The following MYO1B variants were observed in gnomAD, a reference collection of about 807,000 sequenced individuals.
MYO1B encodes the protein myosin IB, also known as unconventional myosin-Ib.
A neutral mutation model predicts 159.7 loss-of-function variants in MYO1B; 72 were observed. That is an observed-to-expected ratio of 0.45 (90% CI 0.37 to 0.55). The LOEUF (loss-of-function observed/expected upper bound fraction) is 0.55. Among genes scored for constraint, MYO1B ranks in the 20% least tolerant of loss-of-function variants. The pLI, the probability that MYO1B is intolerant of heterozygous loss-of-function variation, is 0.00. For synonymous variants in MYO1B, 468 were observed against 473.8 expected (o/e 0.99, Z 0.16); for missense variants, 1,062 against 1,364.8 (o/e 0.78, Z 3.50).
chr2:191,271,164 G>A (rs1687432540), intron 1 of MYO1B, among the ~76,000 whole-genome samples: 1 of 152,198 alleles, frequency 6.6e-6, no homozygotes, highest in African/African-American at 2.4e-5. Context: ...ATACAGGGAG[G>A]TTAATGAGTG....
chr2:191,404,383 G>A (rs760927733), intron 24 of MYO1B, among the ~76,000 whole-genome samples: 23 of 152,174 alleles, frequency 1.5e-4, no homozygotes, highest in Non-Finnish European at 2.5e-4. Context: ...AATATCGTAT[G>A]ACTTCAGGTA....
At chr2:191,276,855 T>A (rs1185354618) in intron 1 of MYO1B, 32 bp from the exon 2 acceptor site, 1 of 1,573,420 alleles carries the variant, frequency 6.4e-7, no homozygotes. Context: ...ATTTTGCTCG[T>A]TTAAATTGAC....
Position 191,245,594 on chromosome 2 carries a change from G to A in MYO1B, c.-42G>A, listed in dbSNP as rs548006895. ...CGGAGAGCGAGGACGACGTGGAGGCGGAGTGGCGCCCGGCGAGGTAGCGCC... is the reference window on the plus strand; with the variant it reads ...CGGAGAGCGAGGACGACGTGGAGGCAGAGTGGCGCCCGGCGAGGTAGCGCC... On this transcript the variant is annotated 5_prime_UTR_variant, in exon 1 of 31. Coordinates refer to ENST00000392318, the MANE Select transcript of MYO1B (RefSeq NM_001130158.3). 5.3e-5 allele frequency: 8 copies of A among 152,290 alleles called. No individual in the cohort carries two copies. In the South Asian group the frequency reaches 1.7e-3, roughly 32 times the overall value. 9.4% of individuals were successfully genotyped at this position (152,290 alleles called of 1,614,324 possible).
At position 191,416,253 on chromosome 2, in the gene MYO1B, G is replaced by A. The variant is rs776197892; in HGVS notation, c.3287+11G>A. The A allele has an allele frequency of 3.1e-6, 5 of 1,613,804 alleles. No individual in the cohort carries two copies. Among genetic ancestry groups the A allele is most frequent in the Middle Eastern group, 1.6e-4 (1 of 6,084 alleles). Reference sequence around the variant, plus strand: ...TGAGATTTCCGATGAGTACGTTCATGTATTGTTTGAAAACCCTTTTTCTCT... The same window carrying A: ...TGAGATTTCCGATGAGTACGTTCATATATTGTTTGAAAACCCTTTTTCTCT... On this transcript the variant is annotated intron_variant, in intron 30 of 30. Coordinates refer to ENST00000392318, the MANE Select transcript of MYO1B (RefSeq NM_001130158.3).
intron 2 of MYO1B, among the ~76,000 whole-genome samples, chr2:191,293,362 C>T (rs532204703): frequency 2.0e-5 from 3 of 152,186 alleles, no homozygotes; most frequent in South Asian, 2.1e-4. Context: ...GTAATGTTAC[C>T]GGAAAGGAGT....
intron 3 of MYO1B, among the ~76,000 whole-genome samples, chr2:191,315,501 A>C (rs1405441453): frequency 6.6e-6 from 1 of 152,248 alleles, no homozygotes; most frequent in Non-Finnish European, 1.5e-5. Context: ...AGTGAAAGTT[A>C]ATACCATGAC....
chr2:191,382,647 C>T (rs1695111148), intron 14 of MYO1B, among the ~76,000 whole-genome samples: 1 of 152,218 alleles, frequency 6.6e-6, no homozygotes, highest in East Asian at 1.9e-4. Context: ...TAAATGTTTA[C>T]ATTTATGGAC....
At chr2:191,386,151 G>A in intron 16 of MYO1B, 67 bp downstream of exon 16, 1 of 1,489,836 alleles carries the variant, frequency 6.7e-7, no homozygotes, top group Non-Finnish European at 9.2e-7. Context: ...CTGTACCTCA[G>A]AGATGGGCGT....
intron 26 of MYO1B, 132 bp downstream of exon 26, chr2:191,409,310 T>C: frequency 9.6e-7 from 1 of 1,036,430 alleles, no homozygotes; most frequent in Admixed American, 2.6e-5. Context: ...CTTTGGTGAT[T>C]TTCCCCCATG....
At chr2:191,350,268 T>G (rs1473925052) in intron 7 of MYO1B, 43 bp downstream of exon 7, 1 of 1,397,566 alleles carries the variant, frequency 7.2e-7, no homozygotes, top group African/African-American at 1.4e-5. Context: ...TTCAGAATAC[T>G]AAAACATATA....
At chr2:191,294,051 G>A (rs907074264) in intron 2 of MYO1B, among the ~76,000 whole-genome samples, 1 of 152,138 alleles carries the variant, frequency 6.6e-6, no homozygotes, top group African/African-American at 2.4e-5. Context: ...AATATTTATT[G>A]TACATCATGG....
At chr2:191,333,968 C>G (rs1039871192) in intron 4 of MYO1B, among the ~76,000 whole-genome samples, 1 of 152,192 alleles carries the variant, frequency 6.6e-6, no homozygotes, top group South Asian at 2.1e-4. Context: ...CCCCTCCCCC[C>G]ATCCTATTTG....
At chr2:191,288,256 A>T (rs538230860) in intron 2 of MYO1B, among the ~76,000 whole-genome samples, 1 of 151,340 alleles carries the variant, frequency 6.6e-6, no homozygotes, top group African/African-American at 2.4e-5. Flanking sequence ...AAAAAAAAAA[A>T]AGAAGAAAGA....
chr2:191,277,252 T>C (rs1687810216), intron 2 of MYO1B, among the ~76,000 whole-genome samples: 1 of 152,164 alleles, frequency 6.6e-6, no homozygotes, highest in Non-Finnish European at 1.5e-5. Context: ...GTGCAAGTAT[T>C]GTAGTGGGTG....
chr2:191,424,126 T>A lies in MYO1B; in HGVS notation c.*166T>A. 1.3e-6 allele frequency: 1 copy of A among 792,604 alleles called. No individual in the cohort carries two copies. The highest frequency in any genetic ancestry group is 2.0e-6 in the Non-Finnish European group (1 of 498,302). 49.1% of individuals were successfully genotyped at this position (792,604 alleles called of 1,614,324 possible). A position where few individuals can be genotyped will look rare whatever the true frequency, so the allele number is the denominator to read the frequency against. On this transcript the variant is annotated 3_prime_UTR_variant, in exon 31 of 31. Transcript: ENST00000392318. ...TCAATTTTTATTATTGGAATAGTTT[T>A]AACCTTTCAAATACATGTTCTGTCC...
intron 4 of MYO1B, among the ~76,000 whole-genome samples, chr2:191,332,969 A>G (rs942972534): frequency 6.6e-6 from 1 of 152,210 alleles, no homozygotes; most frequent in Non-Finnish European, 1.5e-5. Flanking sequence ...TAGTCAGTAC[A>G]TATTTAAATA....
chr2:191,406,495 A>G (rs969028828), intron 24 of MYO1B, among the ~76,000 whole-genome samples: 8 of 152,180 alleles, frequency 5.3e-5, no homozygotes, highest in Admixed American at 2.6e-4. Context: ...CCTTCCTTTC[A>G]GTTGAACACT....
At chr2:191,349,395 T>A (rs1208429730) in intron 6 of MYO1B, among the ~76,000 whole-genome samples, 2 of 152,232 alleles carry the variant, frequency 1.3e-5, no homozygotes, top group Non-Finnish European at 2.9e-5. Context: ...AAAGTAATTC[T>A]TAGGACATGA....
At chr2:191,344,686 C>T (rs977004781) in intron 5 of MYO1B, among the ~76,000 whole-genome samples, 9 of 151,474 alleles carry the variant, frequency 5.9e-5, no homozygotes, top group South Asian at 2.1e-4. Context: ...AAAAATTAGC[C>T]GGGCGTAGTG....
Sources: allele counts gnomAD v4.1 joint callset (sites outside exome capture counted in the v4.1 genomes callset), GRCh38; gene constraint gnomAD v4.1.1; transcripts MANE v1.5; gene names NCBI Gene and HGNC (gene_info 2026-07-23, HGNC 2026-07-21).